The following YTHDF1 variants were observed in gnomAD, a reference collection of about 807,000 sequenced individuals.
YTHDF1 encodes the protein YTH domain-containing family protein 1.
YTHDF1 carries 16 observed loss-of-function variants against 49.1 expected under a neutral mutation model. The ratio of observed to expected loss-of-function variants is 0.33; its 90% CI spans 0.22 to 0.49. YTHDF1 has a LOEUF of 0.49. Ranked by LOEUF, YTHDF1 falls within the 20% of genes least tolerant of loss-of-function variation. YTHDF1 has a pLI of 0.99. For synonymous variants in YTHDF1, 313 were observed against 290.1 expected, an observed-to-expected ratio of 1.08 and a Z score of -0.80; for missense variants, 621 against 744.3, an observed-to-expected ratio of 0.83 and a Z score of 1.93.
chr20:63,207,744 G>C (rs1039398369), intron 3 of YTHDF1, among the ~76,000 whole-genome samples: 1 of 151,222 alleles, frequency 6.6e-6, no homozygotes, highest in Non-Finnish European at 1.5e-5. Flanking sequence ...CAGTGGCTCT[G>C]GCCTGTAATC....
rs2066491457 is a variant in YTHDF1 at position 63,196,144 on chromosome 20, G to C, written c.*564C>G. 1.3e-5 allele frequency: 2 copies of C among 150,842 alleles called. No individual in the cohort carries two copies. The highest frequency in any genetic ancestry group is 4.9e-5 in the African/African-American group (2 of 41,152). 9.3% of individuals were successfully genotyped at this position (150,842 alleles called of 1,614,324 possible). A position where few individuals can be genotyped will look rare whatever the true frequency, so the allele number is the denominator to read the frequency against. ...AGATTTTCAAAAAAAAAAAAAAAGT[G>C]TCTGCCAAATTTGAAAAATTAAAAG... On this transcript the variant is annotated 3_prime_UTR_variant, in exon 5 of 5. Transcript: ENST00000370339.
rs778996087 is a variant in YTHDF1, at chr20:63,203,146, A to G, written c.794T>C (p.Ile265Thr). 2.5e-6 allele frequency: 4 copies of G among 1,613,666 alleles called. No homozygotes were observed. The Admixed American group carries it at 6.7e-5, about 27-fold the overall frequency. The change falls in exon 4 of 5, where the codon ATA (isoleucine) becomes ACA (threonine). Residue 265 changes from isoleucine to threonine, a missense_variant. By Grantham distance (89) the Ile-to-Thr change is moderately conservative (BLOSUM62 -1). Transcript: ENST00000370339. The surrounding 1 kb of genome is among the most constrained non-coding windows in gnomAD (Gnocchi z 4.4). ...GGTGCCAATGTCCATGTTATGCTTT[A>G]TGGGTGGAGGGGGCAGCCCACCCCC... Reference protein sequence around the residue: ...VMGGGLPPPPIKHNMDIGTWD... With the variant: ...VMGGGLPPPPTKHNMDIGTWD...
chr20:63,214,864 C>G (rs2066593786), intron 2 of YTHDF1, among the ~76,000 whole-genome samples: 1 of 152,210 alleles, frequency 6.6e-6, no homozygotes, highest in Non-Finnish European at 1.5e-5. Context: ...TTGCCCTCAG[C>G]AGTTCTCAGC....
chr20:63,214,021 G>T, intron 2 of YTHDF1, 78 bp from the exon 3 acceptor site: 2 of 1,513,298 alleles, frequency 1.3e-6, no homozygotes, highest in Non-Finnish European at 8.8e-7. Context: ...AGTTAGCAAA[G>T]TCTATTTCCA....
chr20:63,204,824 G>C (rs1352417940), intron 3 of YTHDF1, among the ~76,000 whole-genome samples: 1 of 152,122 alleles, frequency 6.6e-6, no homozygotes, highest in Non-Finnish European at 1.5e-5. Flanking sequence ...TCCTTGGAGA[G>C]ACTCAACTAA....
intron 3 of YTHDF1, among the ~76,000 whole-genome samples, chr20:63,204,494 TG>T (rs1009977342): frequency 2.0e-5 from 3 of 152,192 alleles, no homozygotes; most frequent in Non-Finnish European, 4.4e-5. Context: ...GGCACAGCGT[TG>T]GGCTCTTGCA....
chr20:63,213,999 C>A, intron 2 of YTHDF1, 56 bp from the exon 3 acceptor site: 1 of 1,546,534 alleles, frequency 6.5e-7, no homozygotes, highest in Non-Finnish European at 8.7e-7. Context: ...TACTTTTAAG[C>A]TTGGAAGGCA....
At chr20:63,199,460 A>C (rs1433392357) in intron 4 of YTHDF1, among the ~76,000 whole-genome samples, 1 of 149,980 alleles carries the variant, frequency 6.7e-6, no homozygotes, top group Non-Finnish European at 1.5e-5. Context: ...CAGAGCTTGC[A>C]GTGAGCCGAG....
At position 63,203,485 on chromosome 20, in the gene YTHDF1, G is replaced by A; in HGVS notation, c.455C>T (p.Thr152Ile). ...GCCACCCAGGGAGCTCGGGGGGTAGGTGTAGCTGCTCCCATACGCGGAGCT... is the reference window on the plus strand; with the variant it reads ...GCCACCCAGGGAGCTCGGGGGGTAGATGTAGCTGCTCCCATACGCGGAGCT... ...TQSSAYGSSY[T>I]YPPSSLGGTV... The change falls in exon 4 of 5, where the codon ACC becomes ATC. Residue 152 changes from threonine (T) to isoleucine (I), a missense_variant. Transcript: ENST00000370339. The surrounding 1 kb of genome is among the most constrained non-coding windows in gnomAD (Gnocchi z 4.4). The A allele has an allele frequency of 6.2e-7, 1 of 1,613,652 alleles. No homozygotes were observed.
intron 3 of YTHDF1, among the ~76,000 whole-genome samples, chr20:63,212,026 C>G (rs1033277323): frequency 2.0e-5 from 3 of 151,960 alleles, no homozygotes; most frequent in Non-Finnish European, 4.4e-5. Context: ...TGTACTGATG[C>G]AACCTCCCTC....
At chr20:63,210,168 C>T (rs1291254770) in intron 3 of YTHDF1, among the ~76,000 whole-genome samples, 1 of 152,140 alleles carries the variant, frequency 6.6e-6, no homozygotes, top group East Asian at 1.9e-4. Context: ...AATTTTTCAG[C>T]ACCATCATAG....
chr20:63,213,480 A>G (rs764971484), intron 3 of YTHDF1, among the ~76,000 whole-genome samples: 1 of 152,210 alleles, frequency 6.6e-6, no homozygotes, highest in Non-Finnish European at 1.5e-5. Context: ...CAGTCGCTCC[A>G]CAGCCCAGCT....
chr20:63,215,562 C>G lies in YTHDF1; in HGVS notation c.52+15G>C. ...CCACTCCAGCCCGCGCCGGCCGTCC[C>G]GGGACTCCGCTCACCTTTATTATCT... On this transcript the variant is annotated intron_variant, in intron 2 of 4. Coordinates refer to ENST00000370339, the MANE Select transcript of YTHDF1 (RefSeq NM_017798.4). The G allele has an allele frequency of 6.2e-7, 1 of 1,613,422 alleles. No individual in the cohort carries two copies. The highest frequency in any genetic ancestry group is 2.2e-5 in the East Asian group (1 of 44,746).
chr20:63,199,652 G>A (rs377167433), intron 4 of YTHDF1, among the ~76,000 whole-genome samples: 1 of 152,186 alleles, frequency 6.6e-6, no homozygotes, highest in Non-Finnish European at 1.5e-5. Flanking sequence ...AGCCCAGCCC[G>A]TTAAGCACAA....
intron 3 of YTHDF1, among the ~76,000 whole-genome samples, chr20:63,207,331 T>C (rs1412828041): frequency 1.3e-5 from 2 of 151,826 alleles, no homozygotes; most frequent in Non-Finnish European, 2.9e-5. Flanking sequence ...TAGCCGGGCG[T>C]GGTGGTGGGT....
chr20:63,202,272 A>G lies in YTHDF1; in HGVS notation c.1653+15T>C. On this transcript the variant is annotated intron_variant, in intron 4 of 4. Transcript: ENST00000370339. ...ACACATCTGCATGGCAGTTGCCTGC[A>G]ACACCCAGCCTCACCTTGCGCACCA... 2 of 1,604,410 alleles carry G rather than the reference A, an allele frequency of 1.2e-6. No homozygotes were observed. The highest frequency in any genetic ancestry group is 1.7e-5 in the Admixed American group (1 of 59,506).
intron 3 of YTHDF1, among the ~76,000 whole-genome samples, chr20:63,209,318 T>C (rs925284217): frequency 2.6e-5 from 4 of 152,284 alleles, no homozygotes; most frequent in African/African-American, 9.6e-5. Context: ...TATGGCTTTT[T>C]TACTTTACAA....
intron 3 of YTHDF1, among the ~76,000 whole-genome samples, chr20:63,206,123 C>G (rs1465487658): frequency 6.6e-6 from 1 of 152,246 alleles, no homozygotes; most frequent in Non-Finnish European, 1.5e-5. Flanking sequence ...ACAGTCCCCC[C>G]CACAGGGAAG....
At chr20:63,207,523 C>G (rs1435910784) in intron 3 of YTHDF1, among the ~76,000 whole-genome samples, 2 of 139,148 alleles carry the variant, frequency 1.4e-5, no homozygotes, top group Non-Finnish European at 3.1e-5. Context: ...TAACACATTA[C>G]TACCTCTGAG....
Sources: allele counts gnomAD v4.1 joint callset (sites outside exome capture counted in the v4.1 genomes callset), GRCh38; gene constraint gnomAD v4.1.1; non-coding constraint Gnocchi (gnomAD v3.1); transcripts MANE v1.5; gene names NCBI Gene and HGNC (gene_info 2026-07-23, HGNC 2026-07-21).